Variants in RBFOX1 observed in about 807,000 individuals in gnomAD.
RBFOX1 encodes the protein RNA binding fox-1 homolog 1, also known as RNA binding protein fox-1 homolog 1.
In RBFOX1, 8 loss-of-function variants were observed where a neutral mutation model predicts 57.7. The ratio of observed to expected loss-of-function variants is 0.14; its 90% confidence interval spans 0.08 to 0.25. The LOEUF (loss-of-function observed/expected upper bound fraction) is 0.25, where lower values mean the gene tolerates loss of function less well. Ranked by LOEUF, RBFOX1 falls within the 10% of genes least tolerant of loss-of-function variation. The probability of loss-of-function intolerance (pLI) is 1.00; values close to 1 mark genes in which losing one functional copy is unlikely to be tolerated. For missense variants in RBFOX1, 611 were observed against 548.5 expected (o/e 1.11, Z -1.14); for synonymous variants, 326 against 222.4 (o/e 1.47, Z -4.15).
intron 3 of RBFOX1, among the ~76,000 whole-genome samples, chr16:5,790,003 C>G (rs185963005): frequency 6.6e-6 from 1 of 152,220 alleles, no homozygotes; most frequent in Non-Finnish European, 1.5e-5. Context: ...GTTTATTTCT[C>G]TCCCATGTGA....
At chr16:7,490,186 G>T (rs540917550) in intron 4 of RBFOX1, among the ~76,000 whole-genome samples, 1 of 152,136 alleles carries the variant, frequency 6.6e-6, no homozygotes, top group South Asian at 2.1e-4. Context: ...CTGATTTGAC[G>T]TTTTCCCCCC....
At position 5,729,954 on chromosome 16, in the gene RBFOX1, C is replaced by T. The variant is rs539582566; in HGVS notation, c.318+130993C>T. On this transcript the variant is annotated intron_variant, in intron 3 of 19. Transcript: ENST00000641259. ...CTGCAGAAAGCTAGTGGGTGCAGCA[C>T]CTGCCTTTGGAGAACCACTGTGCTT... Among the ~76,000 whole-genome samples the T allele has an allele frequency of 1.8e-4, 28 of 152,274 alleles. No individual in the cohort carries two copies. In the South Asian group the frequency reaches 5.2e-3, roughly 28 times the overall value.
chr16:6,681,564 A>C (rs1031703857), intron 3 of RBFOX1, among the ~76,000 whole-genome samples: 7 of 152,160 alleles, frequency 4.6e-5, no homozygotes, highest in Admixed American at 3.3e-4. Context: ...TGAGAAAATA[A>C]AGTAACAATT....
chr16:6,546,925 T>C (rs1229842919), intron 2 of RBFOX1, among the ~76,000 whole-genome samples: 1 of 152,200 alleles, frequency 6.6e-6, no homozygotes, highest in Non-Finnish European at 1.5e-5. Context: ...TTCAAACCCT[T>C]AAATCAAAGT....
At chr16:6,685,026 A>C (rs1358860784) in intron 3 of RBFOX1, among the ~76,000 whole-genome samples, 1 of 152,166 alleles carries the variant, frequency 6.6e-6, no homozygotes, top group African/African-American at 2.4e-5. Context: ...ATAGTGAGGA[A>C]CTTGCCTAAG....
intron 4 of RBFOX1, among the ~76,000 whole-genome samples, chr16:7,454,997 G>A (rs1353891636): frequency 6.6e-6 from 1 of 152,142 alleles, no homozygotes; most frequent in South Asian, 2.1e-4. Flanking sequence ...TTATGATTTT[G>A]CTCATGGGTT....
chr16:6,046,505 A>G (rs2095496960), intron 1 of RBFOX1, among the ~76,000 whole-genome samples: 1 of 152,210 alleles, frequency 6.6e-6, no homozygotes, highest in Non-Finnish European at 1.5e-5. Context: ...CTTAGGGAAG[A>G]ATTCAGGTCT....
At chr16:6,172,335 G>C (rs530010030) in intron 1 of RBFOX1, among the ~76,000 whole-genome samples, 10 of 152,276 alleles carry the variant, frequency 6.6e-5, no homozygotes, top group African/African-American at 2.2e-4. Flanking sequence ...GGGAAAGCAG[G>C]AATGAGTAAG....
chr16:6,110,864 C>A (rs917594289), intron 1 of RBFOX1, among the ~76,000 whole-genome samples: 1 of 152,172 alleles, frequency 6.6e-6, no homozygotes. Flanking sequence ...CAGTGCACAG[C>A]ACCAGCCCCC....
chr16:6,304,876 C>CAAAAAAAA (rs58680911), intron 1 of RBFOX1, among the ~76,000 whole-genome samples: 6,292 of 79,366 alleles, frequency 0.079, 681 homozygotes, highest in African/African-American at 0.17. Context: ...GACCCTGTCT[C>CAAAAAAAA]AAAAAAAAAA....
intron 3 of RBFOX1, among the ~76,000 whole-genome samples, chr16:6,862,597 G>C (rs1031459513): frequency 2.0e-5 from 3 of 152,172 alleles, no homozygotes; most frequent in African/African-American, 7.2e-5. Context: ...TCATGTTACA[G>C]GCAGAGGAAG....
intron 4 of RBFOX1, among the ~76,000 whole-genome samples, chr16:7,414,241 G>T (rs910452537): frequency 6.6e-6 from 1 of 152,200 alleles, no homozygotes; most frequent in Non-Finnish European, 1.5e-5. Context: ...GGACAAAACC[G>T]AGTGCTCACC....
At chr16:7,446,259 A>G (rs2098806864) in intron 4 of RBFOX1, among the ~76,000 whole-genome samples, 1 of 152,202 alleles carries the variant, frequency 6.6e-6, no homozygotes, top group South Asian at 2.1e-4. Context: ...AGGAAGGAGG[A>G]TATTTTAGTT....
chr16:6,504,651 T>C (rs967484910), intron 2 of RBFOX1, among the ~76,000 whole-genome samples: 1 of 152,186 alleles, frequency 6.6e-6, no homozygotes, highest in Non-Finnish European at 1.5e-5. Context: ...GTATGACCTG[T>C]CCCACTGCCA....
At chr16:6,970,992 A>G (rs1206161153) in intron 3 of RBFOX1, among the ~76,000 whole-genome samples, 1 of 152,106 alleles carries the variant, frequency 6.6e-6, no homozygotes, top group Non-Finnish European at 1.5e-5. Context: ...TTGATCATAG[A>G]ATGTTTAACA....
chr16:7,157,751 AACAGCTTC>A (rs2077447295), intron 4 of RBFOX1, among the ~76,000 whole-genome samples: 1 of 152,170 alleles, frequency 6.6e-6, no homozygotes, highest in Non-Finnish European at 1.5e-5. Context: ...GGCAAGTGGA[AACAGCTTC>A]ACAAAAATCA....
intron 4 of RBFOX1, among the ~76,000 whole-genome samples, chr16:7,513,247 G>T (rs1486900925): frequency 6.9e-6 from 1 of 145,132 alleles, no homozygotes; most frequent in African/African-American, 2.6e-5. Flanking sequence ...TGGGTAACAG[G>T]AGCAAAACTC....
intron 3 of RBFOX1, among the ~76,000 whole-genome samples, chr16:5,634,904 C>T (rs949196919): frequency 6.6e-6 from 1 of 152,146 alleles, no homozygotes; most frequent in Non-Finnish European, 1.5e-5. Context: ...TATGTCTATT[C>T]CAGGACGGAT....
At chr16:7,704,968 CAGAAGGCAGAGGTT>C (rs1177656845) in intron 14 of RBFOX1, among the ~76,000 whole-genome samples, 1 of 150,832 alleles carries the variant, frequency 6.6e-6, no homozygotes, top group Non-Finnish European at 1.5e-5. Flanking sequence ...CGCTTGAACC[CAGAAGGCAGAGGTT>C]AGAGTGAGCC....
Sources: allele counts gnomAD v4.1 joint callset (sites outside exome capture counted in the v4.1 genomes callset), GRCh38; gene constraint gnomAD v4.1.1; transcripts MANE v1.5; gene names NCBI Gene and HGNC (gene_info 2026-07-23, HGNC 2026-07-21).